Variants in PTPRN2 observed in about 807,000 individuals in gnomAD.
PTPRN2 encodes receptor-type tyrosine-protein phosphatase N2.
PTPRN2 carries 74 observed loss-of-function variants against 118.8 expected under a neutral mutation model. The ratio of observed to expected loss-of-function variants is 0.62; its 90% CI spans 0.52 to 0.76. The LOEUF (loss-of-function observed/expected upper bound fraction) is 0.76, where lower values mean the gene tolerates loss of function less well. Ranked by LOEUF, PTPRN2 falls within the 30% of genes least tolerant of loss-of-function variation. The pLI is 0.00. For missense variants in PTPRN2, 1,481 were observed against 1,394.4 expected (o/e 1.06, Z -0.99); for synonymous variants, 641 against 608.0 (o/e 1.05, Z -0.80).
At chr7:158,532,047 A>G (rs1300811932) in intron 1 of PTPRN2, among the ~76,000 whole-genome samples, 1 of 152,250 alleles carries the variant, frequency 6.6e-6, no homozygotes, top group Non-Finnish European at 1.5e-5. Context: ...TTCTTAGAAT[A>G]GGTTTTTGCC....
chr7:157,819,165 C>A (rs544548555), intron 12 of PTPRN2, among the ~76,000 whole-genome samples: 2 of 152,314 alleles, frequency 1.3e-5, no homozygotes, highest in South Asian at 4.1e-4. Context: ...GTGGCCTGGG[C>A]AGCCCCCTTC....
rs183276218 is a variant in PTPRN2 at position 158,043,119 on chromosome 7, G to A, written c.1723+38179C>T. Among the ~76,000 whole-genome samples, 16 of 152,254 alleles carry A rather than the reference G, an allele frequency of 1.1e-4. No individual in the cohort carries two copies. In the East Asian group the frequency reaches 2.7e-3, roughly 26 times the overall value. On this transcript the variant is annotated intron_variant, in intron 11 of 22. Coordinates refer to ENST00000389418, the MANE Select transcript of PTPRN2 (RefSeq NM_002847.5). The stretch of plus-strand genomic sequence containing the variant: ...CCAGCTACTCGGGAGGCTAAGGCAG[G>A]AGGATTACTTGAGCTCAGGAGTTCA...
At position 158,563,062 on chromosome 7, in the gene PTPRN2, C is replaced by G. The variant is rs985687950; in HGVS notation, c.112+24496G>C. Among the ~76,000 whole-genome samples, 4 of 152,106 alleles carry G rather than the reference C, an allele frequency of 2.6e-5. No individual in the cohort carries two copies. The highest frequency in any genetic ancestry group is 5.9e-5 in the Non-Finnish European group (4 of 68,032). ...TCCTCCTGGTTTCAGAGAAATCAAC[C>G]ACGGCCACAGCCTCGTCCACATAGA... On this transcript the variant is annotated intron_variant, in intron 1 of 22. Coordinates refer to ENST00000389418, the MANE Select transcript of PTPRN2 (RefSeq NM_002847.5). This position sits in a 1 kb window ranked among gnomAD's most constrained non-coding sequence, Gnocchi z 5.1.
chr7:158,128,971 C>T (rs1369027368), intron 9 of PTPRN2, among the ~76,000 whole-genome samples: 1 of 151,826 alleles, frequency 6.6e-6, no homozygotes, highest in Admixed American at 6.6e-5. Flanking sequence ...ACACAACATA[C>T]CCCACACCAC....
intron 11 of PTPRN2, among the ~76,000 whole-genome samples, chr7:157,961,952 G>A (rs1801570142): frequency 6.6e-6 from 1 of 152,120 alleles, no homozygotes; most frequent in African/African-American, 2.4e-5. Context: ...GCCACACCTG[G>A]ACCCGGGGTG....
intron 1 of PTPRN2, among the ~76,000 whole-genome samples, chr7:158,490,624 G>A (rs1466866219): frequency 6.6e-6 from 1 of 152,382 alleles, no homozygotes; most frequent in South Asian, 2.1e-4. Flanking sequence ...CACCAGAACC[G>A]GGAGGGCCCC....
intron 11 of PTPRN2, among the ~76,000 whole-genome samples, chr7:157,991,182 G>C (rs954690881): frequency 6.6e-6 from 1 of 152,200 alleles, no homozygotes; most frequent in Admixed American, 6.5e-5. Context: ...AGGGCAACAG[G>C]CTGGGGCATG....
intron 5 of PTPRN2, among the ~76,000 whole-genome samples, chr7:158,176,206 T>C (rs573933588): frequency 6.6e-6 from 1 of 152,274 alleles, no homozygotes; most frequent in South Asian, 2.1e-4. Context: ...CGAGTTCCAA[T>C]CCATGTCCCG....
chr7:158,304,267 G>T (rs564231751), intron 3 of PTPRN2, among the ~76,000 whole-genome samples: 2 of 137,728 alleles, frequency 1.5e-5, no homozygotes, highest in Admixed American at 1.5e-4. Context: ...TAAAACACCC[G>T]TCAATACACT....
At chr7:158,262,533 A>ACAC in intron 3 of PTPRN2, among the ~76,000 whole-genome samples, 1 of 147,052 alleles carries the variant, frequency 6.8e-6, no homozygotes, top group Admixed American at 6.7e-5. Flanking sequence ...CACTGCACAC[A>ACAC]TACACACATT....
At chr7:157,836,707 T>C (rs1385822253) in intron 12 of PTPRN2, among the ~76,000 whole-genome samples, 2 of 152,120 alleles carry the variant, frequency 1.3e-5, no homozygotes, top group Admixed American at 6.5e-5. Context: ...AAAACAAGTA[T>C]TTTAACAAAA....
intron 12 of PTPRN2, among the ~76,000 whole-genome samples, chr7:157,732,872 C>G (rs551853712): frequency 1.2e-4 from 2 of 16,064 alleles, no homozygotes; most frequent in African/African-American, 6.2e-4. Context: ...CCGTCCCATG[C>G]GCCCAGCACA....
chr7:158,092,205 CATAT>C (rs149332395), intron 10 of PTPRN2, among the ~76,000 whole-genome samples: 8 of 147,568 alleles, frequency 5.4e-5, no homozygotes, highest in African/African-American at 1.8e-4. Flanking sequence ...TATATGTGTG[CATAT>C]ATATATATAC....
At position 157,987,746 on chromosome 7, in the gene PTPRN2, G is replaced by A. The variant is rs1391994488; in HGVS notation, c.1724-89009C>T. Among the ~76,000 whole-genome samples the A allele has an allele frequency of 3.3e-5, 5 of 152,174 alleles. No homozygotes were observed. Among genetic ancestry groups the A allele is most frequent in the Non-Finnish European group, 1.5e-5 (1 of 68,030 alleles). ...GTGTGGGATCCACAGTTACAGAGCG[G>A]ATGGGGGACTAAGAACATCCATTCT... On this transcript the variant is annotated intron_variant, in intron 11 of 22. Coordinates refer to ENST00000389418, the MANE Select transcript of PTPRN2 (RefSeq NM_002847.5). The surrounding 1 kb of genome is among the most constrained non-coding windows in gnomAD (Gnocchi z 4.3).
chr7:158,006,424 C>A (rs1225894660), intron 11 of PTPRN2, among the ~76,000 whole-genome samples: 1 of 152,218 alleles, frequency 6.6e-6, no homozygotes, highest in Non-Finnish European at 1.5e-5. Context: ...TCCCTGACAA[C>A]CCAGAAACAC....
rs577801108 is a variant in PTPRN2, at chr7:157,597,355, A to AAGG, written c.2419-2041_2419-2040insCCT. ...CAGTAGAAAAATGCTTAGCAGAAAT[A>AAGG]AGTTTTGATTTTTTGAAATATGCAT... is the stretch of plus-strand genomic sequence containing the variant. On this transcript the variant is annotated intron_variant, in intron 16 of 22. Transcript: ENST00000389418. 3.0e-3 allele frequency among the ~76,000 whole-genome samples: 454 copies of AAGG among 152,248 alleles called. 4 individuals are homozygous for AAGG. Among genetic ancestry groups the AAGG allele is most frequent in the African/African-American group, 0.01 (430 of 41,546 alleles).
chr7:158,400,713 C>G (rs991397933), intron 2 of PTPRN2, among the ~76,000 whole-genome samples: 3 of 152,096 alleles, frequency 2.0e-5, no homozygotes, highest in African/African-American at 7.2e-5. Flanking sequence ...ACACCGTGGT[C>G]CCAGCCACAA....
intron 3 of PTPRN2, among the ~76,000 whole-genome samples, chr7:158,311,264 C>T (rs920802435): frequency 6.6e-6 from 1 of 152,170 alleles, no homozygotes; most frequent in Non-Finnish European, 1.5e-5. Context: ...TATTTTCCTT[C>T]TCTTTTAAGG....
chr7:158,394,856 G>A (rs1405370557), intron 2 of PTPRN2, among the ~76,000 whole-genome samples: 1 of 152,196 alleles, frequency 6.6e-6, no homozygotes, highest in Non-Finnish European at 1.5e-5. Context: ...GGCATTTACC[G>A]TGTGCCCAAA....
Sources: gnomAD v4.1 joint callset for allele counts (sites outside exome capture counted in the v4.1 genomes callset) on GRCh38, gnomAD v4.1.1 for gene constraint, Gnocchi (gnomAD v3.1) non-coding constraint, MANE v1.5 for transcripts, NCBI Gene and HGNC (gene_info 2026-07-23, HGNC 2026-07-21) for gene names.